Variants in ZNF451 observed in about 807,000 individuals in gnomAD.
ZNF451 encodes E3 SUMO-protein ligase ZNF451.
ZNF451 carries 80 observed loss-of-function variants against 107.1 expected under a neutral mutation model. The ratio of observed to expected loss-of-function variants is 0.75; its 90% CI spans 0.62 to 0.90. The LOEUF is 0.90. Ranked by LOEUF, ZNF451 falls within the 40% of genes least tolerant of loss-of-function variation. The probability of loss-of-function intolerance (pLI) is 0.00; values close to 1 mark genes in which losing one functional copy is unlikely to be tolerated. For synonymous variants in ZNF451, 362 were observed against 406.5 expected (o/e 0.89, Z 1.32); for missense variants, 1,107 against 1,236.2 (o/e 0.90, Z 1.57).
intron 3 of ZNF451, chr6:57,105,981 A>C: frequency 1.0e-6 from 1 of 983,530 alleles, no homozygotes; most frequent in Non-Finnish European, 1.2e-6. Flanking sequence ...TGAAGGGAGC[A>C]TAAACTCTTT....
At position 57,134,780 on chromosome 6, in the gene ZNF451, A is replaced by C; in HGVS notation, c.612A>C (p.Leu204=). The change falls in exon 7 of 15, where the codon CTA becomes CTC. Residue 204 remains leucine (L), a synonymous_variant. Transcript: ENST00000370706. ...CTCCATGTGATCCAACAATTACACT[A>C]CATGGACCTTTCTTCAGCTCCTTTG... is the stretch of plus-strand genomic sequence containing the variant. ...DHSPCDPTIT[L]HGPFFSSFAC... is the part of the protein sequence containing the mutation. 1 of 1,613,352 alleles carries C rather than the reference A, an allele frequency of 6.2e-7. No homozygotes were observed. The highest frequency in any genetic ancestry group is 8.5e-7 in the Non-Finnish European group (1 of 1,179,714).
rs114066296 is a variant in ZNF451 at position 57,135,258 on chromosome 6, G to A, written c.702+388G>A. On this transcript the variant is annotated intron_variant, in intron 7 of 14. Coordinates refer to ENST00000370706, the MANE Select transcript of ZNF451 (RefSeq NM_001031623.3). Reference sequence around the variant, plus strand: ...ACAAGTTATTAATGCTAGTTTTTGAGGAATATAACTAGTATTTAAAAAGCT... The same window carrying A: ...ACAAGTTATTAATGCTAGTTTTTGAAGAATATAACTAGTATTTAAAAAGCT... Among the ~76,000 whole-genome samples, 655 of 152,072 alleles carry A rather than the reference G, an allele frequency of 4.3e-3. 2 individuals carry two copies. The highest frequency in any genetic ancestry group is 0.015 in the African/African-American group (635 of 41,462).
At chr6:57,104,105 A>C (rs1429808946) in intron 3 of ZNF451, 10 of 984,372 alleles carry the variant, frequency 1.0e-5, no homozygotes, top group Non-Finnish European at 1.2e-5. Flanking sequence ...TCTGTATTTT[A>C]CTCAAAATTT....
intron 2 of ZNF451, among the ~76,000 whole-genome samples, chr6:57,097,127 A>G (rs528126574): frequency 2.0e-5 from 3 of 152,228 alleles, no homozygotes; most frequent in African/African-American, 7.2e-5. Flanking sequence ...TGTTTACCAT[A>G]TATTGGAGAG....
rs1183402631 is a variant in ZNF451, at chr6:57,150,723, A to G, written c.2613A>G (p.Glu871=). ...ENDLSYQNIE[E]EIVELPDLDY... ...TTGATATTTCTCTCTTCTCAGAGGA[A>G]GAAATTGTTGAGCTTCCAGATTTGG... is the stretch of plus-strand genomic sequence containing the variant. The change falls in exon 11 of 15, where the codon GAA becomes GAG. Residue 871 remains glutamate, a synonymous_variant. Coordinates refer to ENST00000370706, the MANE Select transcript of ZNF451 (RefSeq NM_001031623.3). The G allele has an allele frequency of 5.6e-6, 9 of 1,600,228 alleles. No homozygotes were observed. The highest frequency in any genetic ancestry group is 6.8e-6 in the Non-Finnish European group (8 of 1,174,976).
At chr6:57,114,695 A>G (rs1338884142) in intron 3 of ZNF451, among the ~76,000 whole-genome samples, 1 of 152,200 alleles carries the variant, frequency 6.6e-6, no homozygotes. Context: ...ACATATTTTT[A>G]TAAGGCAAAA....
intron 2 of ZNF451, among the ~76,000 whole-genome samples, chr6:57,096,870 G>A (rs1014967681): frequency 6.7e-6 from 1 of 148,792 alleles, no homozygotes; most frequent in Admixed American, 6.8e-5. Flanking sequence ...CTGCCTCCTG[G>A]GTTCAAGCAA....
At chr6:57,140,764 T>C (rs1299754318) in intron 7 of ZNF451, among the ~76,000 whole-genome samples, 1 of 152,178 alleles carries the variant, frequency 6.6e-6, no homozygotes, top group African/African-American at 2.4e-5. Flanking sequence ...TAATTAGAGA[T>C]ATACCAGCTG....
Position 57,155,731 on chromosome 6 carries a change from A to G in ZNF451, c.3070+1684A>G, listed in dbSNP as rs1033913602. Among the ~76,000 whole-genome samples the G allele has an allele frequency of 4.6e-5, 7 of 151,818 alleles. No individual in the cohort carries two copies. In the South Asian group the frequency reaches 1.5e-3, roughly 31 times the overall value. On this transcript the variant is annotated intron_variant, in intron 13 of 14. Transcript: ENST00000370706. ...GAGAGGTGAATACGAGTAGACTTGCATGGGTATATTACAGTTGGAGGTAAG... is the reference window on the plus strand; with the variant it reads ...GAGAGGTGAATACGAGTAGACTTGCGTGGGTATATTACAGTTGGAGGTAAG...
At chr6:57,144,009 A>G (rs1463245251) in intron 9 of ZNF451, among the ~76,000 whole-genome samples, 1 of 152,122 alleles carries the variant, frequency 6.6e-6, no homozygotes, top group Non-Finnish European at 1.5e-5. Context: ...AAATCTGTAG[A>G]CACAGAAAGT....
chr6:57,136,993 T>C (rs1043188104), intron 7 of ZNF451, among the ~76,000 whole-genome samples: 14 of 152,198 alleles, frequency 9.2e-5, no homozygotes, highest in Non-Finnish European at 1.9e-4. Flanking sequence ...TTGCTTCATA[T>C]TCTTAACAGG....
intron 14 of ZNF451, chr6:57,165,643 T>C (rs943212085): frequency 2.0e-5 from 3 of 152,248 alleles, no homozygotes; most frequent in Non-Finnish European, 2.9e-5. Flanking sequence ...TGCCTCATTA[T>C]TGGTACTCTT....
At chr6:57,146,113 G>C (rs933898031) in intron 9 of ZNF451, among the ~76,000 whole-genome samples, 3 of 152,194 alleles carry the variant, frequency 2.0e-5, no homozygotes, top group Admixed American at 6.5e-5. Flanking sequence ...CATGTCCTTT[G>C]CCCACTTCTT....
intron 7 of ZNF451, 114 bp from the exon 8 acceptor site, chr6:57,141,188 A>G (rs1211932195): frequency 3.6e-6 from 3 of 823,426 alleles, no homozygotes; most frequent in Non-Finnish European, 5.1e-6. Flanking sequence ...TTCATGTTAA[A>G]AATTGATACA....
intron 7 of ZNF451, among the ~76,000 whole-genome samples, chr6:57,138,345 C>T (rs1454696202): frequency 6.6e-6 from 1 of 151,676 alleles, no homozygotes; most frequent in Non-Finnish European, 1.5e-5. Context: ...TCACTGCAAC[C>T]TCTGCCTCCC....
intron 9 of ZNF451, 35 bp downstream of exon 9, chr6:57,142,130 ATGAGTGTT>A (rs1831800135): frequency 6.4e-7 from 1 of 1,556,446 alleles, no homozygotes; most frequent in Non-Finnish European, 8.8e-7. Context: ...AGGAATACGG[ATGAGTGTT>A]TGCCAGTGAG....
At chr6:57,114,600 A>G (rs1296958215) in intron 3 of ZNF451, among the ~76,000 whole-genome samples, 3 of 152,186 alleles carry the variant, frequency 2.0e-5, no homozygotes, top group African/African-American at 7.2e-5. Context: ...CAAAAATCTG[A>G]GAAAAGTTAC....
intron 2 of ZNF451, among the ~76,000 whole-genome samples, chr6:57,098,513 A>G (rs1216114000): frequency 2.0e-5 from 3 of 151,966 alleles, no homozygotes. Flanking sequence ...TTCTCATGTT[A>G]TTGTCTTATT....
At chr6:57,148,845 A>G (rs1021883686) in intron 10 of ZNF451, 152 bp downstream of exon 10, 11 of 660,518 alleles carry the variant, frequency 1.7e-5, no homozygotes, top group East Asian at 8.6e-5. Context: ...TTGTATTCCT[A>G]CTACTACATT....
Sources: allele counts gnomAD v4.1 joint callset (sites outside exome capture counted in the v4.1 genomes callset), GRCh38; gene constraint gnomAD v4.1.1; transcripts MANE v1.5; gene names NCBI Gene and HGNC (gene_info 2026-07-23, HGNC 2026-07-21).